SPO11: variants seen among roughly 807,000 people sequenced by gnomAD.
SPO11 encodes meiotic recombination protein SPO11.
SPO11 carries 49 observed loss-of-function variants against 51.6 expected under a neutral mutation model. The observed-to-expected ratio is 0.95, with a 90% CI of 0.75 to 1.20. The LOEUF is 1.20. Among genes scored for constraint, SPO11 ranks in the 50% most tolerant of loss-of-function variants. The pLI is 0.00. For synonymous variants in SPO11, 176 were observed against 158.2 expected (o/e 1.11, Z -0.84); for missense variants, 431 against 473.4 (o/e 0.91, Z 0.83).
In SPO11 at chr20:57,331,815, C is replaced by A; in HGVS notation, c.132-18C>A. 7.3e-7 allele frequency: 1 copy of A among 1,377,314 alleles called. No homozygotes were observed. The highest frequency in any genetic ancestry group is 9.9e-7 in the Non-Finnish European group (1 of 1,007,802). 85.3% of individuals were successfully genotyped at this position (1,377,314 alleles called of 1,614,324 possible). On this transcript the variant is annotated intron_variant, in intron 1 of 12. Coordinates refer to ENST00000371263, the MANE Select transcript of SPO11 (RefSeq NM_012444.3). Reference sequence around the variant, plus strand: ...AATTTATGATTAAGATGGAATCATGCTCTGTTTATTGTTTCAGTTCTGAGG... The same window carrying A: ...AATTTATGATTAAGATGGAATCATGATCTGTTTATTGTTTCAGTTCTGAGG...
chr20:57,332,808 A>G (rs2066465162), intron 2 of SPO11, among the ~76,000 whole-genome samples: 1 of 152,206 alleles, frequency 6.6e-6, no homozygotes, highest in African/African-American at 2.4e-5. Flanking sequence ...AATTGAGTAA[A>G]ATTATTAAAT....
At position 57,331,882 on chromosome 20, in the gene SPO11, A is replaced by G. The variant is rs2066454362; in HGVS notation, c.181A>G (p.Ser61Gly). The change falls in exon 2 of 13, where the codon AGC (serine) becomes GGC (glycine). Residue 61 changes from serine to glycine, a missense_variant. Transcript: ENST00000371263. ...IENIIQDIITSLARNEAPAFT... is the reference protein window; with the variant it reads ...IENIIQDIITGLARNEAPAFT... ...AAATATTATCCAAGACATAATCACA[A>G]GCTTGGCAAGAAATGAAGCACCTGC... The G allele has an allele frequency of 1.2e-6, 2 of 1,608,426 alleles. No individual in the cohort carries two copies. Among genetic ancestry groups the G allele is most frequent in the Non-Finnish European group, 1.7e-6 (2 of 1,177,510 alleles).
chr20:57,341,060 ACT>A (rs1400744676), intron 11 of SPO11, among the ~76,000 whole-genome samples: 1 of 152,076 alleles, frequency 6.6e-6, no homozygotes, highest in South Asian at 2.1e-4. Flanking sequence ...CTGAGATCAT[ACT>A]CTGTTATTTT....
At chr20:57,342,008 A>T (rs1442454675) in intron 11 of SPO11, among the ~76,000 whole-genome samples, 1 of 152,222 alleles carries the variant, frequency 6.6e-6, no homozygotes, top group Non-Finnish European at 1.5e-5. Flanking sequence ...AATTATGGAC[A>T]CATTGAAAAA....
rs1416476517 is a variant in SPO11 at position 57,335,908 on chromosome 20, G to T, written c.744+1G>T. 3 of 1,563,486 alleles carry T rather than the reference G, an allele frequency of 1.9e-6. No homozygotes were observed. The Admixed American group carries it at 5.0e-5, about 26-fold the overall frequency. ...ATTGTCTCCTTGCATCATGATTACG[G>T]TATATTATCTAACTTTACTACAATT... On this transcript the variant is annotated splice_donor_variant, in intron 8 of 12. Coordinates refer to ENST00000371263, the MANE Select transcript of SPO11 (RefSeq NM_012444.3). LOFTEE classifies it high-confidence loss of function.
Position 57,343,463 on chromosome 20 carries a change from A to G in SPO11, c.*3A>G. 8.2e-6 allele frequency: 13 copies of G among 1,589,066 alleles called. No individual in the cohort carries two copies. The highest frequency in any genetic ancestry group is 1.1e-5 in the Non-Finnish European group (13 of 1,172,772). ...TAAAATTTGGAGGATGGATATAAAA[A>G]TAAATCAGAAGAACTTCTGATTGCC... On this transcript the variant is annotated 3_prime_UTR_variant, in exon 13 of 13. Transcript: ENST00000371263.
intron 8 of SPO11, among the ~76,000 whole-genome samples, chr20:57,337,996 T>G (rs930364510): frequency 6.6e-6 from 1 of 152,212 alleles, no homozygotes; most frequent in African/African-American, 2.4e-5. Flanking sequence ...CAAGTGATTC[T>G]CCTGCCTCAG....
chr20:57,338,932 C>A, intron 9 of SPO11, 57 bp from the exon 10 acceptor site: 1 of 1,127,898 alleles, frequency 8.9e-7, no homozygotes, highest in East Asian at 2.6e-5. Context: ...TTTGAGAGTG[C>A]AAATTAACCT....
At chr20:57,336,926 T>A (rs2066519763) in intron 8 of SPO11, among the ~76,000 whole-genome samples, 1 of 152,154 alleles carries the variant, frequency 6.6e-6, no homozygotes, top group Admixed American at 6.5e-5. Flanking sequence ...AATGGGGTAC[T>A]GGAATGCAGG....
In SPO11 at chr20:57,333,202, T is replaced by G; in HGVS notation, c.260T>G (p.Val87Gly). ...SWENIKFEDS[V>G]GLQMVSHCTT... ...CAAAATGACAGGTTTGAAGATTCTG[T>G]GGGTCTTCAGATGGTATCCCATTGC... The change falls in exon 3 of 13, where the codon GTG (valine) becomes GGG (glycine). Residue 87 changes from valine (V) to glycine (G), a missense_variant. Transcript: ENST00000371263. 1 of 1,602,752 alleles carries G rather than the reference T, an allele frequency of 6.2e-7. No individual in the cohort carries two copies. The highest frequency in any genetic ancestry group is 1.3e-5 in the African/African-American group (1 of 74,570).
chr20:57,332,423 C>G (rs1013503070), intron 2 of SPO11, among the ~76,000 whole-genome samples: 18 of 152,212 alleles, frequency 1.2e-4, no homozygotes. Context: ...TCTTCTGCCC[C>G]TGCTAAATCA....
intron 11 of SPO11, 80 bp from the exon 12 acceptor site, chr20:57,342,649 C>A: frequency 2.5e-6 from 2 of 795,656 alleles, no homozygotes; most frequent in Non-Finnish European, 2.1e-6. Flanking sequence ...TGAAGTAGTA[C>A]CATAAATACA....
In SPO11 at chr20:57,343,399, C is replaced by T; in HGVS notation, c.1130C>T (p.Ser377Leu). 6.2e-7 allele frequency: 1 copy of T among 1,611,480 alleles called. No homozygotes were observed. The highest frequency in any genetic ancestry group is 8.5e-7 in the Non-Finnish European group (1 of 1,178,882). ...KAEIQALTFL[S>L]SDYLSRVYLP... ...GAAATTCAAGCTTTGACTTTCCTAT[C>T]ATCAGATTATCTTTCCAGAGTGTAC... Residue 377 changes from serine to leucine, a missense_variant, in exon 13 of 13, where the codon TCA becomes TTA. Ser to Leu is a moderately radical substitution (Grantham distance 145). This residue lies in a region of SPO11 where 23 missense variants were observed against 27.3 expected (regional missense o/e 0.84). Transcript: ENST00000371263.
chr20:57,338,302 A>T lies in SPO11; in HGVS notation c.771A>T (p.Thr257=). 1 of 1,613,552 alleles carries T rather than the reference A, an allele frequency of 6.2e-7. No homozygotes were observed. Among genetic ancestry groups the T allele is most frequent in the South Asian group, 1.1e-5 (1 of 91,020 alleles). The stretch of plus-strand genomic sequence containing the variant: ...GAAAGGGAGTTCCTGATCTAAACAC[A>T]AGACTTTTAGTCAAGAAACTGTGGG... The part of the protein sequence containing the change: ...ITGKGVPDLN[T]RLLVKKLWDT... Residue 257 remains threonine, a synonymous_variant, in exon 9 of 13, where the codon ACA becomes ACT. Coordinates refer to ENST00000371263, the MANE Select transcript of SPO11 (RefSeq NM_012444.3).
intron 11 of SPO11, 58 bp from the exon 12 acceptor site, chr20:57,342,671 G>A: frequency 9.5e-7 from 1 of 1,048,608 alleles, no homozygotes; most frequent in South Asian, 1.4e-5. Flanking sequence ...GCAAAATACA[G>A]GACATTCAAG....
chr20:57,343,309 CT>C, intron 12 of SPO11, 31 bp from the exon 13 acceptor site: 1 of 1,595,660 alleles, frequency 6.3e-7, no homozygotes, highest in Non-Finnish European at 8.5e-7. Flanking sequence ...ACTAAGAACT[CT>C]GGTATGAGTA....
chr20:57,332,727 TAATAA>T (rs1205415305), intron 2 of SPO11, among the ~76,000 whole-genome samples: 1 of 152,208 alleles, frequency 6.6e-6, no homozygotes, highest in African/African-American at 2.4e-5. Flanking sequence ...CAACTTAACC[TAATAA>T]AATTGTTATT....
At chr20:57,332,111 A>G (rs2066457294) in intron 2 of SPO11, among the ~76,000 whole-genome samples, 165 bp downstream of exon 2, 1 of 152,222 alleles carries the variant, frequency 6.6e-6, no homozygotes, top group Non-Finnish European at 1.5e-5. Flanking sequence ...GAGGTTATGT[A>G]AACTAGAAGT....
rs763793597 is a variant in SPO11 at position 57,342,792 on chromosome 20, T to G, written c.1023T>G (p.Ser341Arg). 19 of 1,613,694 alleles carry G rather than the reference T, an allele frequency of 1.2e-5. No homozygotes were observed. In the East Asian group the frequency reaches 3.3e-4, roughly 28 times the overall value. ...AAAGGGACCAAATGAAACTTGACAGTATCCTGAGGAGACCTTATGTTACCT... is the reference window on the plus strand; with the variant it reads ...AAAGGGACCAAATGAAACTTGACAGGATCCTGAGGAGACCTTATGTTACCT... The part of the protein sequence containing the change: ...LTKRDQMKLD[S>R]ILRRPYVTCQ... Residue 341 changes from serine to arginine, a missense_variant, in exon 12 of 13, where the codon AGT (serine) becomes AGG (arginine). Physicochemically the swap from Ser to Arg is moderately radical, Grantham distance 110 (BLOSUM62 -1). Transcript: ENST00000371263.
Sources: allele counts gnomAD v4.1 joint callset (sites outside exome capture counted in the v4.1 genomes callset), GRCh38; gene constraint gnomAD v4.1.1; regional missense constraint gnomAD v4.1.1; transcripts MANE v1.5; gene names NCBI Gene and HGNC (gene_info 2026-07-23, HGNC 2026-07-21).